MNAT1: variants seen among roughly 807,000 people sequenced by gnomAD.
MNAT1 encodes CDK-activating kinase assembly factor MAT1.
In MNAT1, 43 loss-of-function variants were observed where a neutral mutation model predicts 42.0. That is an observed-to-expected ratio of 1.02 (90% CI 0.80 to 1.32). MNAT1 has a LOEUF of 1.32. Ranked by LOEUF, MNAT1 falls within the 40% of genes most tolerant of loss-of-function variation. The pLI is 0.00. For synonymous variants in MNAT1, 118 were observed against 120.0 expected (o/e 0.98, Z 0.11); for missense variants, 306 against 350.4 (o/e 0.87, Z 1.01).
intron 7 of MNAT1, among the ~76,000 whole-genome samples, chr14:60,940,664 G>A (rs865858051): frequency 2.0e-5 from 3 of 152,158 alleles, no homozygotes; most frequent in South Asian, 2.1e-4. Context: ...TGATCTGCCC[G>A]CCTTGGTCCC....
intron 1 of MNAT1, among the ~76,000 whole-genome samples, chr14:60,742,323 A>G (rs2140284756): frequency 6.6e-6 from 1 of 152,118 alleles, no homozygotes; most frequent in African/African-American, 2.4e-5. Context: ...CCTGGCCTCA[A>G]GTGATCTACC....
intron 1 of MNAT1, among the ~76,000 whole-genome samples, chr14:60,781,016 T>G (rs529386694): frequency 6.6e-6 from 1 of 152,344 alleles, no homozygotes; most frequent in South Asian, 2.1e-4. Flanking sequence ...AGAATCTTTG[T>G]TAAAGTCCTG....
intron 7 of MNAT1, among the ~76,000 whole-genome samples, chr14:60,965,950 TTTC>T (rs1239858069): frequency 1.3e-5 from 2 of 152,206 alleles, no homozygotes; most frequent in Admixed American, 6.5e-5. Context: ...TTTTTAGACC[TTTC>T]TGAGGTAACT....
chr14:60,761,499 T>C (rs779651033), intron 1 of MNAT1, among the ~76,000 whole-genome samples: 11 of 152,218 alleles, frequency 7.2e-5, no homozygotes, highest in Non-Finnish European at 1.6e-4. Flanking sequence ...TTTTCAGGTT[T>C]TCAAATTGTT....
intron 6 of MNAT1, among the ~76,000 whole-genome samples, chr14:60,854,772 C>T (rs146803237): frequency 3.3e-5 from 5 of 152,196 alleles, no homozygotes; most frequent in Admixed American, 6.5e-5. Context: ...TCAGGAGGCA[C>T]GGGGGTCAGG....
At chr14:60,828,817 CT>C (rs1482483688) in intron 6 of MNAT1, among the ~76,000 whole-genome samples, 1 of 152,092 alleles carries the variant, frequency 6.6e-6, no homozygotes, top group African/African-American at 2.4e-5. Context: ...GCTCATGGAA[CT>C]TTGGGAAACA....
intron 7 of MNAT1, among the ~76,000 whole-genome samples, chr14:60,910,398 G>A (rs984890098): frequency 9.9e-5 from 15 of 152,124 alleles, no homozygotes; most frequent in Admixed American, 9.8e-4. Flanking sequence ...TCCCTGTCTT[G>A]TGCCAGTTTT....
chr14:60,967,501 A>AT lies in MNAT1; in HGVS notation c.810-727dup, dbSNP rs112989579. ...TGCCCTTCTTTGGCTAGATTGTCCAATGTTTTTTAGGCCTGTTTTGTCTAT... is the reference window on the plus strand; with the variant it reads ...TGCCCTTCTTTGGCTAGATTGTCCAATTGTTTTTTAGGCCTGTTTTGTCTAT... On this transcript the variant is annotated intron_variant, in intron 7 of 7. Transcript: ENST00000261245. Among the ~76,000 whole-genome samples, 477 of 152,070 alleles carry AT rather than the reference A, an allele frequency of 3.1e-3. 1 individual carries two copies. Among genetic ancestry groups the AT allele is most frequent in the African/African-American group, 0.011 (451 of 41,478 alleles).
chr14:60,768,939 A>G (rs893673156), intron 1 of MNAT1, among the ~76,000 whole-genome samples: 9 of 152,222 alleles, frequency 5.9e-5, no homozygotes, highest in Non-Finnish European at 8.8e-5. Flanking sequence ...TACTCCTAAG[A>G]TTATAATGTT....
chr14:60,846,175 T>C (rs1436519365), intron 6 of MNAT1, among the ~76,000 whole-genome samples: 6 of 152,160 alleles, frequency 3.9e-5, no homozygotes, highest in Admixed American at 1.3e-4. Context: ...TCCTTTTTCT[T>C]TTTCCTTCAT....
intron 1 of MNAT1, among the ~76,000 whole-genome samples, chr14:60,782,815 C>G (rs1256655876): frequency 1.3e-5 from 2 of 152,166 alleles, no homozygotes; most frequent in South Asian, 4.1e-4. Context: ...GTGCCCTTAA[C>G]CAGTATGCTC....
At chr14:60,741,957 C>T (rs1896481706) in intron 1 of MNAT1, among the ~76,000 whole-genome samples, 2 of 152,022 alleles carry the variant, frequency 1.3e-5, no homozygotes, top group South Asian at 4.1e-4. Flanking sequence ...GGGTTTAAGT[C>T]TACATGTTTC....
intron 7 of MNAT1, among the ~76,000 whole-genome samples, chr14:60,898,997 C>T (rs994773045): frequency 1.3e-5 from 2 of 152,108 alleles, no homozygotes; most frequent in Non-Finnish European, 2.9e-5. Flanking sequence ...TTCCCAGCAC[C>T]ACTTATTAAA....
At chr14:60,882,616 A>G (rs61992990) in intron 7 of MNAT1, among the ~76,000 whole-genome samples, 15,764 of 152,190 alleles carry the variant, frequency 0.1, 1,061 homozygotes, top group Middle Eastern at 0.19. Flanking sequence ...GGATTGCTGG[A>G]TCATATAGTA....
chr14:60,920,678 A>G lies in MNAT1; in HGVS notation c.809+40843A>G, dbSNP rs897206558. ...GGTTGGTCTCGAACTCCTGACCTCA[A>G]GTGATCCACCTGCCTCAGCCTCCCA... On this transcript the variant is annotated intron_variant, in intron 7 of 7. Coordinates refer to ENST00000261245, the MANE Select transcript of MNAT1 (RefSeq NM_002431.4). Among the ~76,000 whole-genome samples, 5 of 152,136 alleles carry G rather than the reference A, an allele frequency of 3.3e-5. No homozygotes were observed. The East Asian group carries it at 5.8e-4, about 18-fold the overall frequency.
At chr14:60,906,573 G>T (rs2035204329) in intron 7 of MNAT1, among the ~76,000 whole-genome samples, 1 of 152,142 alleles carries the variant, frequency 6.6e-6, no homozygotes, top group African/African-American at 2.4e-5. Flanking sequence ...TGATGGATTG[G>T]TTAAGGGGGG....
At chr14:60,801,046 A>G (rs2032186280) in intron 3 of MNAT1, among the ~76,000 whole-genome samples, 1 of 152,210 alleles carries the variant, frequency 6.6e-6, no homozygotes, top group Non-Finnish European at 1.5e-5. Context: ...GGGAATACAG[A>G]TAAAGCAATT....
chr14:60,806,215 C>A (rs2032363462), intron 3 of MNAT1, among the ~76,000 whole-genome samples: 1 of 152,030 alleles, frequency 6.6e-6, no homozygotes, highest in Admixed American at 6.5e-5. Context: ...GCCAGCAGAG[C>A]GATATTAGAC....
intron 7 of MNAT1, among the ~76,000 whole-genome samples, chr14:60,891,784 A>C (rs185494291): frequency 2.7e-4 from 41 of 152,222 alleles, no homozygotes; most frequent in African/African-American, 9.9e-4. Flanking sequence ...GTTAGCACTC[A>C]TAGCTATAAA....
Sources: allele counts gnomAD v4.1 joint callset (sites outside exome capture counted in the v4.1 genomes callset), GRCh38; gene constraint gnomAD v4.1.1; transcripts MANE v1.5; gene names NCBI Gene and HGNC (gene_info 2026-07-23, HGNC 2026-07-21).